The following VWA8 variants were observed in gnomAD, a reference collection of about 807,000 sequenced individuals.
VWA8 encodes the protein von Willebrand factor A domain containing 8.
VWA8 carries 221 observed loss-of-function variants against 241.5 expected under a neutral mutation model. That is an observed-to-expected ratio of 0.91 (90% CI 0.82 to 1.02). The LOEUF is 1.02. Among genes scored for constraint, VWA8 ranks in the 50% least tolerant of loss-of-function variants. The probability of loss-of-function intolerance (pLI) is 0.00; values close to 1 mark genes in which losing one functional copy is unlikely to be tolerated. For missense variants in VWA8, 2,322 were observed against 2,328.7 expected (o/e 1.00, Z 0.06); for synonymous variants, 852 against 827.1 (o/e 1.03, Z -0.52).
Position 41,885,984 on chromosome 13 carries a change from T to G in VWA8, c.911A>C (p.Glu304Ala). Residue 304 changes from glutamate (E) to alanine (A), a missense_variant, in exon 8 of 45, where the codon GAA becomes GCA. Transcript: ENST00000379310. ...LSFATTLCSQESSTLGLPDFP... is the reference protein window; with the variant it reads ...LSFATTLCSQASSTLGLPDFP... Reference sequence around the variant, plus strand: ...GTCTGGAAGTCCAAGAGTAGAAGATTCTTGGGAACACAGAGTTGTGGCAAA... The same window carrying G: ...GTCTGGAAGTCCAAGAGTAGAAGATGCTTGGGAACACAGAGTTGTGGCAAA... The G allele has an allele frequency of 6.2e-7, 1 of 1,607,702 alleles. No homozygotes were observed. Among genetic ancestry groups the G allele is most frequent in the Non-Finnish European group, 8.5e-7 (1 of 1,178,472 alleles).
chr13:41,748,750 A>C (rs1349122625), intron 21 of VWA8, among the ~76,000 whole-genome samples: 1 of 152,220 alleles, frequency 6.6e-6, no homozygotes, highest in African/African-American at 2.4e-5. Flanking sequence ...CAGAAACAAG[A>C]AATGGGGAAA....
intron 12 of VWA8, among the ~76,000 whole-genome samples, chr13:41,840,337 T>C (rs912628586): frequency 1.3e-5 from 2 of 151,842 alleles, no homozygotes; most frequent in Non-Finnish European, 1.5e-5. Context: ...AGAGGAGGGA[T>C]AGCATTAGGA....
chr13:41,741,297 G>A (rs903498636), intron 21 of VWA8, among the ~76,000 whole-genome samples: 1 of 152,114 alleles, frequency 6.6e-6, no homozygotes, highest in Admixed American at 6.6e-5. Flanking sequence ...ATACGATGAG[G>A]CCATACTGAG....
intron 9 of VWA8, among the ~76,000 whole-genome samples, chr13:41,876,564 ATATAT>A (rs1302859691): frequency 6.6e-6 from 1 of 152,062 alleles, no homozygotes; most frequent in Non-Finnish European, 1.5e-5. Context: ...TCCTCAATTG[ATATAT>A]TATATACTTA....
intron 12 of VWA8, among the ~76,000 whole-genome samples, chr13:41,843,785 T>A (rs1201274239): frequency 6.6e-6 from 1 of 152,052 alleles, no homozygotes; most frequent in Non-Finnish European, 1.5e-5. Flanking sequence ...CAAGACTGAA[T>A]TGGGAAGAAA....
intron 9 of VWA8, among the ~76,000 whole-genome samples, chr13:41,876,422 C>T (rs1873901443): frequency 6.6e-6 from 1 of 152,072 alleles, no homozygotes; most frequent in African/African-American, 2.4e-5. Context: ...GCTTTTCCTA[C>T]AGTTCCCAGG....
intron 24 of VWA8, among the ~76,000 whole-genome samples, chr13:41,723,099 G>A (rs1456935050): frequency 1.4e-4 from 21 of 152,206 alleles, no homozygotes; most frequent in Admixed American, 1.4e-3. Flanking sequence ...CACATTGACT[G>A]TATTTCCAAG....
At chr13:41,880,452 A>C (rs1301570375) in intron 9 of VWA8, among the ~76,000 whole-genome samples, 1 of 152,216 alleles carries the variant, frequency 6.6e-6, no homozygotes, top group Non-Finnish European at 1.5e-5. Context: ...GAGGAAATCC[A>C]CTTAATATAA....
intron 1 of VWA8, among the ~76,000 whole-genome samples, chr13:41,951,743 T>C (rs1878149773): frequency 6.6e-6 from 1 of 152,196 alleles, no homozygotes; most frequent in Non-Finnish European, 1.5e-5. Flanking sequence ...TAAATCATGG[T>C]ACTAATAACA....
chr13:41,904,236 A>G (rs1041041729), intron 4 of VWA8, among the ~76,000 whole-genome samples: 3 of 152,218 alleles, frequency 2.0e-5, no homozygotes, highest in African/African-American at 7.2e-5. Context: ...AACAATTTCT[A>G]AAAAGCTAAA....
intron 28 of VWA8, 137 bp from the exon 29 acceptor site, chr13:41,699,407 G>T: frequency 1.2e-6 from 1 of 802,856 alleles, no homozygotes; most frequent in Non-Finnish European, 2.0e-6. Flanking sequence ...ATCATGGCTT[G>T]ATTAGGCTGA....
chr13:41,840,939 T>TA (rs1315170853), intron 12 of VWA8, among the ~76,000 whole-genome samples: 1 of 152,180 alleles, frequency 6.6e-6, no homozygotes, highest in Non-Finnish European at 1.5e-5. Context: ...AGCTAATCCT[T>TA]ATGGAAAGCC....
intron 2 of VWA8, among the ~76,000 whole-genome samples, chr13:41,946,130 A>G (rs1877838903): frequency 6.6e-6 from 1 of 152,060 alleles, no homozygotes; most frequent in South Asian, 2.1e-4. Flanking sequence ...GTGCTGAAAA[A>G]AAAAAACCTG....
At chr13:41,711,669 T>C (rs555998497) in intron 26 of VWA8, among the ~76,000 whole-genome samples, 1 of 152,072 alleles carries the variant, frequency 6.6e-6, no homozygotes, top group Admixed American at 6.5e-5. Context: ...GGTCAGGAGA[T>C]CGAGACCATC....
At chr13:41,702,845 C>T (rs1012814188) in intron 27 of VWA8, among the ~76,000 whole-genome samples, 2 of 152,194 alleles carry the variant, frequency 1.3e-5, no homozygotes, top group African/African-American at 4.8e-5. Context: ...TCTGTTCCTG[C>T]TGCCCTTTCT....
At chr13:41,675,111 C>A in intron 36 of VWA8, 104 bp downstream of exon 36, 3 of 651,968 alleles carry the variant, frequency 4.6e-6, no homozygotes, top group South Asian at 5.1e-5. Context: ...AAAGAGCTTG[C>A]TATTTAAAGA....
At chr13:41,684,049 G>A (rs568073792) in intron 35 of VWA8, among the ~76,000 whole-genome samples, 77 of 152,084 alleles carry the variant, frequency 5.1e-4, no homozygotes, top group Non-Finnish European at 7.8e-4. Flanking sequence ...AGAATGGATT[G>A]TAAACTTCTA....
chr13:41,779,756 G>A (rs1868800537), intron 19 of VWA8, among the ~76,000 whole-genome samples: 1 of 152,126 alleles, frequency 6.6e-6, no homozygotes, highest in Non-Finnish European at 1.5e-5. Context: ...GTTGGAGTAA[G>A]TACCTGAATA....
intron 2 of VWA8, among the ~76,000 whole-genome samples, chr13:41,934,538 C>T (rs115654288): frequency 3.1e-3 from 464 of 152,112 alleles, no homozygotes; most frequent in African/African-American, 0.011. Flanking sequence ...CCTATAACAA[C>T]CCAAATGTCT....
Sources: allele counts gnomAD v4.1 joint callset (sites outside exome capture counted in the v4.1 genomes callset), GRCh38; gene constraint gnomAD v4.1.1; transcripts MANE v1.5; gene names NCBI Gene and HGNC (gene_info 2026-07-23, HGNC 2026-07-21).